The following ZNF469 variants were observed in gnomAD, a reference collection of about 807,000 sequenced individuals.
The protein encoded by ZNF469 is zinc finger protein 469.
A neutral mutation model predicts 1.0 loss-of-function variants in ZNF469; 1 was observed. That is an observed-to-expected ratio of 1.00 (90% CI 0.35 to 4.73). The LOEUF (loss-of-function observed/expected upper bound fraction) is 4.73, where lower values mean the gene tolerates loss of function less well. Ranked by LOEUF, ZNF469 falls within the 30% of genes most tolerant of loss-of-function variation. The pLI, the probability that ZNF469 is intolerant of heterozygous loss-of-function variation, is 0.16. For synonymous variants in ZNF469, 2,703 were observed against 2,363.4 expected (o/e 1.14, Z -4.17); for missense variants, 6,100 against 5,356.3 (o/e 1.14, Z -4.33).
intron 1 of ZNF469, among the ~76,000 whole-genome samples, chr16:88,395,838 C>G (rs180752810): frequency 2.0e-5 from 3 of 152,310 alleles, no homozygotes; most frequent in East Asian, 3.9e-4. Flanking sequence ...AGGCATCAGG[C>G]CGCACGTCTT....
At chr16:88,221,396 T>G in the ZNF469 span, among the ~76,000 whole-genome samples, 1 of 152,162 alleles carries the variant, frequency 6.6e-6, no homozygotes, top group Non-Finnish European at 1.5e-5. Context: ...ACACTTCCTC[T>G]CTGCTCCAAC....
intron 1 of ZNF469, among the ~76,000 whole-genome samples, chr16:88,409,975 G>A (rs149253267): frequency 8.4e-4 from 128 of 152,016 alleles, no homozygotes; most frequent in African/African-American, 3.0e-3. Context: ...AGCAGGGTGC[G>A]CAGCAGAGCC....
the ZNF469 span, among the ~76,000 whole-genome samples, chr16:88,290,612 C>T: frequency 1.0e-3 from 154 of 152,232 alleles, no homozygotes; most frequent in African/African-American, 3.5e-3. Flanking sequence ...ATCCTAGTAC[C>T]GAGCATTCTG....
chr16:88,315,073 C>T, the ZNF469 span, among the ~76,000 whole-genome samples: 2 of 152,244 alleles, frequency 1.3e-5, no homozygotes. Context: ...AAGTGTCCTC[C>T]TCGATCTGAC....
the ZNF469 span, among the ~76,000 whole-genome samples, chr16:88,350,951 C>T: frequency 6.6e-6 from 1 of 152,272 alleles, no homozygotes; most frequent in Non-Finnish European, 1.5e-5. Flanking sequence ...TGGACCCTGA[C>T]TTCCAGAACT....
In ZNF469 at chr16:88,437,123, T is replaced by C; in HGVS notation, c.9653T>C (p.Leu3218Pro). Residue 3218 changes from leucine (L) to proline (P), a missense_variant, in exon 3 of 3, where the codon CTG becomes CCG. Physicochemically the swap from Leu to Pro is moderately conservative, Grantham distance 98 (BLOSUM62 -3). Coordinates refer to ENST00000565624, the MANE Select transcript of ZNF469 (RefSeq NM_001367624.2). ...RRSLGDLPGGLEGSSAVAHLL... is the reference protein window; with the variant it reads ...RRSLGDLPGGPEGSSAVAHLL... The stretch of plus-strand genomic sequence containing the variant: ...TCCTTGGGGGACCTGCCCGGAGGCC[T>C]GGAGGGCAGCAGCGCTGTCGCCCAC... The C allele has an allele frequency of 6.5e-7, 1 of 1,548,352 alleles. No individual in the cohort carries two copies. The highest frequency in any genetic ancestry group is 8.7e-7 in the Non-Finnish European group (1 of 1,146,584).
At chr16:88,262,679 G>C in the ZNF469 span, among the ~76,000 whole-genome samples, 1 of 152,112 alleles carries the variant, frequency 6.6e-6, no homozygotes, top group African/African-American at 2.4e-5. The surrounding 1 kb of genome is among the most constrained non-coding windows in gnomAD (Gnocchi z 4.3). Flanking sequence ...CACAGACCAA[G>C]CACAGGCCGA....
chr16:88,356,765 C>T, the ZNF469 span, among the ~76,000 whole-genome samples: 1 of 152,202 alleles, frequency 6.6e-6, no homozygotes, highest in Non-Finnish European at 1.5e-5. Flanking sequence ...AGTCCTGGCA[C>T]AGCCTGTGGA....
the ZNF469 span, among the ~76,000 whole-genome samples, chr16:88,280,835 G>C: frequency 6.6e-6 from 1 of 151,784 alleles, no homozygotes; most frequent in Non-Finnish European, 1.5e-5. Context: ...TGCTTGGTCA[G>C]TACTGTGCTG....
chr16:88,247,309 GTGAA>G, the ZNF469 span, among the ~76,000 whole-genome samples: 1 of 147,558 alleles, frequency 6.8e-6, no homozygotes, highest in East Asian at 2.1e-4. Context: ...GAGTGAGTGA[GTGAA>G]TGAGTGAGTG....
At chr16:88,269,325 G>T in the ZNF469 span, among the ~76,000 whole-genome samples, 1 of 151,960 alleles carries the variant, frequency 6.6e-6, no homozygotes, top group Non-Finnish European at 1.5e-5. Context: ...CCAGGCGGCC[G>T]GGCCTATGAC....
At chr16:88,185,891 T>C in the ZNF469 span, among the ~76,000 whole-genome samples, 10 of 151,944 alleles carry the variant, frequency 6.6e-5, no homozygotes, top group East Asian at 2.0e-4. Flanking sequence ...CACACACTTA[T>C]GTGCGCAGAC....
chr16:88,254,739 C>A, the ZNF469 span, among the ~76,000 whole-genome samples: 1 of 151,970 alleles, frequency 6.6e-6, no homozygotes, highest in Admixed American at 6.6e-5. Context: ...GCCTGGGTGA[C>A]AAGAGTGAAA....
the ZNF469 span, among the ~76,000 whole-genome samples, chr16:88,327,544 C>T: frequency 1.3e-5 from 2 of 151,878 alleles, no homozygotes; most frequent in East Asian, 1.9e-4. Flanking sequence ...CAACATATCA[C>T]GTTGGGGTTG....
At chr16:88,296,663 CACACACTCAT>C in the ZNF469 span, among the ~76,000 whole-genome samples, 12 of 152,216 alleles carry the variant, frequency 7.9e-5, no homozygotes, top group Non-Finnish European at 1.3e-4. Context: ...CAGACATGCT[CACACACTCAT>C]GCACACTCGT....
intron 1 of ZNF469, among the ~76,000 whole-genome samples, chr16:88,421,480 C>T (rs981845432): frequency 3.9e-5 from 6 of 152,190 alleles, no homozygotes; most frequent in African/African-American, 9.6e-5. Flanking sequence ...GAGCACATGC[C>T]GCCCCATGCC....
chr16:88,110,824 G>A, the ZNF469 span, among the ~76,000 whole-genome samples: 1 of 152,248 alleles, frequency 6.6e-6, no homozygotes, highest in African/African-American at 2.4e-5. Context: ...GAGGGGCCCA[G>A]GGCAGCAGGT....
At chr16:88,381,262 TCACA>T (rs1239006200), upstream of ZNF469, among the ~76,000 whole-genome samples, 6 of 96,110 alleles carry the variant, frequency 6.2e-5, no homozygotes, top group South Asian at 3.6e-4. Context: ...TCACACGCAC[TCACA>T]CAGACATGCA....
the ZNF469 span, among the ~76,000 whole-genome samples, chr16:88,155,592 C>T: frequency 1.3e-5 from 2 of 152,236 alleles, no homozygotes; most frequent in Non-Finnish European, 2.9e-5. Flanking sequence ...GCCTCTTTCA[C>T]TCCAAATGGC....
Sources: allele counts gnomAD v4.1 joint callset (sites outside exome capture counted in the v4.1 genomes callset), GRCh38; gene constraint gnomAD v4.1.1; non-coding constraint Gnocchi (gnomAD v3.1); transcripts MANE v1.5; gene names NCBI Gene and HGNC (gene_info 2026-07-23, HGNC 2026-07-21).